CPE: variants seen among roughly 807,000 people sequenced by gnomAD.
The protein encoded by CPE is carbocypeptidase E.
Under a neutral mutation model 53.5 loss-of-function variants are expected in CPE, and 17 were observed. That is an observed-to-expected ratio of 0.32 (90% CI 0.22 to 0.48). CPE has a LOEUF of 0.48. CPE is among the 20% of genes least tolerant of loss of function. CPE has a pLI of 0.99. For synonymous variants in CPE, 226 were observed against 228.8 expected (o/e 0.99, Z 0.11); for missense variants, 524 against 614.7 (o/e 0.85, Z 1.56).
intron 1 of CPE, among the ~76,000 whole-genome samples, chr4:165,439,880 GGGCTAAAGCAC>G (rs1373027125): frequency 7.9e-5 from 12 of 152,240 alleles, no homozygotes; most frequent in Admixed American, 3.3e-4. Context: ...CATGATGAGA[GGGCTAAAGCAC>G]TCCCCAGATC....
chr4:165,404,830 C>T, intron 1 of CPE: 2 of 766,890 alleles, frequency 2.6e-6, no homozygotes, highest in Non-Finnish European at 4.9e-6. Context: ...TGATCATCTC[C>T]AGCAGCTGCA....
chr4:165,470,718 A>G (rs191780888), intron 3 of CPE, among the ~76,000 whole-genome samples: 1 of 152,250 alleles, frequency 6.6e-6, no homozygotes, highest in Non-Finnish European at 1.5e-5. Flanking sequence ...CCTACCTACC[A>G]TAACATTTCC....
chr4:165,441,274 A>G lies in CPE; in HGVS notation c.308-23116A>G, dbSNP rs1731604815. Reference sequence around the variant, plus strand: ...GCTCAAATAGCATAAAGAAACCCAGAGTATCTGGAGAATGAAGCAATTTGA... The same window carrying G: ...GCTCAAATAGCATAAAGAAACCCAGGGTATCTGGAGAATGAAGCAATTTGA... On this transcript the variant is annotated intron_variant, in intron 1 of 8. Coordinates refer to ENST00000402744, the MANE Select transcript of CPE (RefSeq NM_001873.4). 2.0e-5 allele frequency among the ~76,000 whole-genome samples: 3 copies of G among 152,206 alleles called. No homozygotes were observed. The South Asian group carries it at 6.2e-4, about 31-fold the overall frequency.
chr4:165,417,876 A>C (rs1353636623), intron 1 of CPE, among the ~76,000 whole-genome samples: 1 of 151,906 alleles, frequency 6.6e-6, no homozygotes, highest in Non-Finnish European at 1.5e-5. Context: ...AAAATTGAGA[A>C]CCATTAGTCA....
At chr4:165,401,126 G>A (rs1482848624) in intron 1 of CPE, among the ~76,000 whole-genome samples, 3 of 151,920 alleles carry the variant, frequency 2.0e-5, no homozygotes, top group African/African-American at 7.3e-5. Context: ...ATTTGTACTG[G>A]ATAACTCTTC....
intron 1 of CPE, among the ~76,000 whole-genome samples, chr4:165,448,162 G>A (rs1731748417): frequency 6.6e-6 from 1 of 152,168 alleles, no homozygotes; most frequent in Non-Finnish European, 1.5e-5. Flanking sequence ...AGATCTAAGT[G>A]TGTTGACCTA....
intron 1 of CPE, among the ~76,000 whole-genome samples, chr4:165,410,983 G>C (rs17624977): frequency 0.29 from 43,653 of 151,880 alleles, 6,416 homozygotes; most frequent in Middle Eastern, 0.4. Context: ...TAGATAAATC[G>C]AAGACCAGAG....
intron 1 of CPE, among the ~76,000 whole-genome samples, chr4:165,438,746 G>A (rs1389292173): frequency 6.6e-6 from 1 of 152,190 alleles, no homozygotes; most frequent in African/African-American, 2.4e-5. Context: ...AGTAAGGATT[G>A]TAAAGGCTAA....
intron 6 of CPE, among the ~76,000 whole-genome samples, chr4:165,490,629 C>CAA (rs36034365): frequency 0.011 from 457 of 40,162 alleles, 5 homozygotes; most frequent in African/African-American, 0.013. Context: ...GACTCCGTCT[C>CAA]AAAAAAAAAA....
At chr4:165,481,012 A>AT (rs1332936191) in intron 3 of CPE, among the ~76,000 whole-genome samples, 4 of 50,070 alleles carry the variant, frequency 8.0e-5, no homozygotes, top group African/African-American at 2.1e-4. Context: ...ATATATATAT[A>AT]TATATTTTTT....
chr4:165,436,688 G>C (rs1731507604), intron 1 of CPE, among the ~76,000 whole-genome samples: 2 of 152,260 alleles, frequency 1.3e-5, no homozygotes, highest in Middle Eastern at 3.4e-3. Flanking sequence ...TAATTATTTA[G>C]AGATGGGCTC....
chr4:165,471,184 G>A (rs1732199529), intron 3 of CPE, among the ~76,000 whole-genome samples: 1 of 152,192 alleles, frequency 6.6e-6, no homozygotes, highest in Non-Finnish European at 1.5e-5. Context: ...TAAGACTTGT[G>A]TGGATGGGGT....
intron 1 of CPE, chr4:165,404,237 C>T (rs1487208195): frequency 3.9e-6 from 3 of 762,058 alleles, no homozygotes; most frequent in South Asian, 2.7e-5. Context: ...GAAGCTGAGC[C>T]CGAAGACGGC....
intron 4 of CPE, among the ~76,000 whole-genome samples, chr4:165,483,894 A>G (rs1344640792): frequency 2.0e-5 from 3 of 152,202 alleles, no homozygotes; most frequent in Non-Finnish European, 4.4e-5. Context: ...ATAAATTTGA[A>G]GACTTTGTGG....
intron 1 of CPE, among the ~76,000 whole-genome samples, chr4:165,412,226 T>C (rs1182605401): frequency 6.6e-6 from 1 of 152,228 alleles, no homozygotes. Context: ...CTTACCTTTA[T>C]GTTTATAAGA....
intron 5 of CPE, among the ~76,000 whole-genome samples, chr4:165,486,202 A>T (rs1309373636): frequency 7.5e-6 from 1 of 134,196 alleles, no homozygotes; most frequent in African/African-American, 2.7e-5. Context: ...TTCTCTGGAA[A>T]AGGGGTGGGG....
chr4:165,434,749 C>T (rs140409617), intron 1 of CPE, among the ~76,000 whole-genome samples: 5 of 152,162 alleles, frequency 3.3e-5, no homozygotes, highest in Non-Finnish European at 5.9e-5. Flanking sequence ...TAGTTGAGTG[C>T]GTGATAACAC....
At chr4:165,410,189 C>T (rs1731014648) in intron 1 of CPE, among the ~76,000 whole-genome samples, 1 of 147,710 alleles carries the variant, frequency 6.8e-6, no homozygotes, top group African/African-American at 2.5e-5. Context: ...GCAGAGTTTG[C>T]AGTGAGCCAA....
chr4:165,435,475 G>A (rs1156574977), intron 1 of CPE, among the ~76,000 whole-genome samples: 3 of 152,086 alleles, frequency 2.0e-5, no homozygotes, highest in African/African-American at 4.8e-5. Flanking sequence ...TTATATCATA[G>A]GAAAATAATT....
Sources: gnomAD v4.1 joint callset for allele counts (sites outside exome capture counted in the v4.1 genomes callset) on GRCh38, gnomAD v4.1.1 for gene constraint, MANE v1.5 for transcripts, NCBI Gene and HGNC (gene_info 2026-07-23, HGNC 2026-07-21) for gene names.